TRMT10B: variants seen among roughly 807,000 people sequenced by gnomAD.
The protein encoded by TRMT10B is tRNA methyltransferase 10B, also known as tRNA methyltransferase 10 homolog B.
In TRMT10B, 33 loss-of-function variants were observed where a neutral mutation model predicts 43.8. The observed-to-expected ratio is 0.75, with a 90% CI of 0.57 to 1.01. The LOEUF (loss-of-function observed/expected upper bound fraction) is 1.01, where lower values mean the gene tolerates loss of function less well. Ranked by LOEUF, TRMT10B falls within the 50% of genes least tolerant of loss-of-function variation. The pLI, the probability that TRMT10B is intolerant of heterozygous loss-of-function variation, is 0.00. For missense variants in TRMT10B, 362 were observed against 369.8 expected (o/e 0.98, Z 0.17); for synonymous variants, 137 against 130.6 (o/e 1.05, Z -0.34).
chr9:37,777,542 A>G (rs943778843), intron 8 of TRMT10B, 59 bp from the exon 9 acceptor site: 8 of 1,368,426 alleles, frequency 5.8e-6, no homozygotes, highest in African/African-American at 2.9e-5. Context: ...CATCCTTTTC[A>G]TTTACTCGTT....
rs137988354 is a variant in TRMT10B, at chr9:37,759,615, C to T, written c.-29-2288C>T. 3.9e-4 allele frequency among the ~76,000 whole-genome samples: 59 copies of T among 152,186 alleles called. No individual in the cohort carries two copies. In the East Asian group the frequency reaches 9.3e-3, roughly 24 times the overall value. ...GGTGAATCACTTGAGGTCAGGAGTT[C>T]GAGACCAGCCTGGTCAACATGGTGA... On this transcript the variant is annotated intron_variant, in intron 1 of 8. Coordinates refer to ENST00000297994, the MANE Select transcript of TRMT10B (RefSeq NM_144964.4).
In TRMT10B at chr9:37,769,938, CAG is replaced by C. The variant is rs1563999459; in HGVS notation, c.574-2_574-1del. ...TTAACATCAGACTGTTTGCATTTTC[CAG>C]TTAGACATAACAGAAGAAGACTGCT... On this transcript the variant is annotated splice_acceptor_variant, in intron 5 of 8. Transcript: ENST00000297994. LOFTEE classifies it high-confidence loss of function. 6.2e-7 allele frequency: 1 copy of C among 1,613,804 alleles called. No homozygotes were observed. Among genetic ancestry groups the C allele is most frequent in the Non-Finnish European group, 8.5e-7 (1 of 1,179,696 alleles).
chr9:37,759,576 G>A (rs1321652624), intron 1 of TRMT10B, among the ~76,000 whole-genome samples: 6 of 152,208 alleles, frequency 3.9e-5, no homozygotes, highest in Non-Finnish European at 8.8e-5. Flanking sequence ...CCAGCACTTT[G>A]GGAGGCCAAG....
intron 1 of TRMT10B, 73 bp from the exon 2 acceptor site, chr9:37,761,830 G>C: frequency 9.4e-7 from 1 of 1,061,792 alleles, no homozygotes; most frequent in Non-Finnish European, 1.4e-6. Context: ...ATAACACTTT[G>C]TCATTTGGAT....
chr9:37,762,454 A>G, intron 2 of TRMT10B, 123 bp from the exon 3 acceptor site: 2 of 1,381,014 alleles, frequency 1.4e-6, no homozygotes, highest in Non-Finnish European at 1.9e-6. Context: ...TTTTAAGAGT[A>G]ATTTCCTCTT....
In TRMT10B at chr9:37,776,310, ACT is replaced by A. The variant is rs778392428; in HGVS notation, c.752_753del (p.Ser251CysfsTer33). 6 of 1,597,674 alleles carry A rather than the reference ACT, an allele frequency of 3.8e-6. No individual in the cohort carries two copies. Among genetic ancestry groups the A allele is most frequent in the South Asian group, 1.1e-5 (1 of 88,056 alleles). The stretch of plus-strand genomic sequence containing the variant: ...GTGACATTTCAAAAGGCCCGGGAAT[ACT>A]CTGTCAAGACCGCACGCTTGCCAAT... On this transcript the variant is annotated frameshift_variant, in exon 8 of 9. Coordinates refer to ENST00000297994, the MANE Select transcript of TRMT10B (RefSeq NM_144964.4). LOFTEE classifies it high-confidence loss of function.
At chr9:37,757,983 A>T (rs1423818177) in intron 1 of TRMT10B, among the ~76,000 whole-genome samples, 1 of 152,204 alleles carries the variant, frequency 6.6e-6, no homozygotes, top group African/African-American at 2.4e-5. Context: ...TGAGCATTTG[A>T]TGGAGTACAA....
chr9:37,768,372 T>G (rs1290981256), intron 5 of TRMT10B, 144 bp downstream of exon 5: 1 of 931,742 alleles, frequency 1.1e-6, no homozygotes, highest in Non-Finnish European at 1.6e-6. Flanking sequence ...GTTCTTAAAT[T>G]TAAAATTTTT....
chr9:37,776,337 TC>T lies in TRMT10B; in HGVS notation c.778del (p.Gln260ArgfsTer31). 1 of 1,612,390 alleles carries T rather than the reference TC, an allele frequency of 6.2e-7. No individual in the cohort carries two copies. The highest frequency in any genetic ancestry group is 2.2e-5 in the East Asian group (1 of 44,682). ...EYSVKTARLPIQEYMVRNQNG... is the reference protein window; with the variant it reads ...EYSVKTARLPXQEYMVRNQNG... ...TCTGTCAAGACCGCACGCTTGCCAATCCAGGAATACATGGTCAGAAACCAGA... is the reference window on the plus strand; with the variant it reads ...TCTGTCAAGACCGCACGCTTGCCAATCAGGAATACATGGTCAGAAACCAGA... On this transcript the variant is annotated frameshift_variant, in exon 8 of 9. Coordinates refer to ENST00000297994, the MANE Select transcript of TRMT10B (RefSeq NM_144964.4). LOFTEE classifies it high-confidence loss of function.
At chr9:37,762,508 C>A (rs896237158) in intron 2 of TRMT10B, 69 bp from the exon 3 acceptor site, 8 of 1,511,186 alleles carry the variant, frequency 5.3e-6, no homozygotes, top group Admixed American at 5.0e-5. Flanking sequence ...GCAAATGTTT[C>A]TAATGTTCAT....
In TRMT10B at chr9:37,778,038, A is replaced by T. The variant is rs1212027857; in HGVS notation, c.*331A>T. On this transcript the variant is annotated 3_prime_UTR_variant, in exon 9 of 9. Coordinates refer to ENST00000297994, the MANE Select transcript of TRMT10B (RefSeq NM_144964.4). ...AATAAATAAAAAAAAATGCAGCTGC[A>T]GGAGTGAGGCGCTTGGAGGTACCTT... 8 of 217,044 alleles carry T rather than the reference A, an allele frequency of 3.7e-5. No homozygotes were observed. Among genetic ancestry groups the T allele is most frequent in the Non-Finnish European group, 6.5e-5 (7 of 107,084 alleles). The allele number at this position is 217,044 out of a possible 1,614,324, so 13.4% of individuals were successfully genotyped here. A position where few individuals can be genotyped will look rare whatever the true frequency, so the allele number is the denominator to read the frequency against.
chr9:37,771,876 GTT>G (rs74171525), intron 7 of TRMT10B, among the ~76,000 whole-genome samples: 3,360 of 149,090 alleles, frequency 0.023, 116 homozygotes, highest in African/African-American at 0.078. Context: ...GACAGAAAAT[GTT>G]TTTTTTTTTT....
upstream of TRMT10B, among the ~76,000 whole-genome samples, chr9:37,753,529 T>C (rs1825194746): frequency 1.3e-5 from 2 of 152,178 alleles, no homozygotes; most frequent in Admixed American, 1.3e-4. Context: ...TTTCGCAATG[T>C]CCAGCCCTTG....
chr9:37,761,782 T>A, intron 1 of TRMT10B, 121 bp from the exon 2 acceptor site: 1 of 659,254 alleles, frequency 1.5e-6, no homozygotes, highest in Non-Finnish European at 2.6e-6. Flanking sequence ...GTCCAGTAAA[T>A]CTGGTTCAGT....
intron 2 of TRMT10B, among the ~76,000 whole-genome samples, chr9:37,762,321 C>G (rs1328559477): frequency 6.6e-6 from 1 of 152,162 alleles, no homozygotes; most frequent in Non-Finnish European, 1.5e-5. Context: ...TGATATACCC[C>G]TGAAGGGTCA....
At chr9:37,755,690 T>C (rs951751749) in intron 1 of TRMT10B, among the ~76,000 whole-genome samples, 1 of 152,232 alleles carries the variant, frequency 6.6e-6, no homozygotes, top group Non-Finnish European at 1.5e-5. Flanking sequence ...TTTATTTGAT[T>C]TGCAAGGTTA....
In TRMT10B at chr9:37,776,341, G is replaced by A; in HGVS notation, c.780G>A (p.Gln260=). The part of the protein sequence containing the change: ...YSVKTARLPI[Q]EYMVRNQNGK... Reference sequence around the variant, plus strand: ...TCAAGACCGCACGCTTGCCAATCCAGGAATACATGGTCAGAAACCAGAATG... The same window carrying A: ...TCAAGACCGCACGCTTGCCAATCCAAGAATACATGGTCAGAAACCAGAATG... The change falls in exon 8 of 9, where the codon CAG becomes CAA. Residue 260 remains glutamine, a synonymous_variant. Transcript: ENST00000297994. 2 of 1,612,316 alleles carry A rather than the reference G, an allele frequency of 1.2e-6. No individual in the cohort carries two copies. The highest frequency in any genetic ancestry group is 1.7e-6 in the Non-Finnish European group (2 of 1,179,146).
rs1361836405 is a variant in TRMT10B at position 37,763,635 on chromosome 9, GC to G, written c.307del (p.Gln103SerfsTer7). 6.2e-7 allele frequency: 1 copy of G among 1,613,134 alleles called. No homozygotes were observed. Among genetic ancestry groups the G allele is most frequent in the African/African-American group, 1.3e-5 (1 of 74,838 alleles). ...KANRAENPGICPQHSKRFLRA... is the reference protein window; with the variant it reads ...KANRAENPGIXPQHSKRFLRA... ...TCTGATATTTCTGCTTTAGGCATTT[GC>G]CCCCAGCACAGCAAACGTTTCCTGA... On this transcript the variant is annotated frameshift_variant, in exon 4 of 9. Coordinates refer to ENST00000297994, the MANE Select transcript of TRMT10B (RefSeq NM_144964.4). LOFTEE classifies it high-confidence loss of function.
chr9:37,755,431 AAAT>A (rs1825546406), intron 1 of TRMT10B, among the ~76,000 whole-genome samples: 1 of 152,212 alleles, frequency 6.6e-6, no homozygotes, highest in Non-Finnish European at 1.5e-5. Flanking sequence ...GTCCAAAAAA[AAAT>A]GCTAAATTTG....
Sources: gnomAD v4.1 joint callset for allele counts (sites outside exome capture counted in the v4.1 genomes callset) on GRCh38, gnomAD v4.1.1 for gene constraint, MANE v1.5 for transcripts, NCBI Gene and HGNC (gene_info 2026-07-23, HGNC 2026-07-21) for gene names.